TSHR: variants seen among roughly 807,000 people sequenced by gnomAD.
TSHR encodes thyrotropin receptor.
TSHR carries 51 observed loss-of-function variants against 64.1 expected under a neutral mutation model. That is an observed-to-expected ratio of 0.80 (90% CI 0.64 to 1.01). TSHR has a LOEUF of 1.01. Among genes scored for constraint, TSHR ranks in the 50% least tolerant of loss-of-function variants. The pLI is 0.00. For synonymous variants in TSHR, 361 were observed against 361.9 expected (o/e 1.00, Z 0.03); for missense variants, 877 against 942.8 (o/e 0.93, Z 0.91).
chr14:80,956,027 A>C (rs538983320), intron 1 of TSHR, 177 bp downstream of exon 1: 23 of 735,228 alleles, frequency 3.1e-5, no homozygotes, highest in Non-Finnish European at 5.3e-5. Flanking sequence ...AATCGCCCAC[A>C]CTTGGGAAGG....
At chr14:81,115,451 G>A (rs1388681294) in intron 8 of TSHR, among the ~76,000 whole-genome samples, 1 of 143,980 alleles carries the variant, frequency 6.9e-6, no homozygotes, top group Non-Finnish European at 1.5e-5. Flanking sequence ...TGAAATGAAT[G>A]AAATGAAGCG....
At position 80,986,603 on chromosome 14, in the gene TSHR, C is replaced by T. The variant is rs575417095; in HGVS notation, c.170+30753C>T. Reference sequence around the variant, plus strand: ...CTGGGTCCAGGCGATTCTCCTGTCTCAGCCTTCCAAGTAGCTGAGATTACA... The same window carrying T: ...CTGGGTCCAGGCGATTCTCCTGTCTTAGCCTTCCAAGTAGCTGAGATTACA... On this transcript the variant is annotated intron_variant, in intron 1 of 9. Coordinates refer to ENST00000298171, the MANE Select transcript of TSHR (RefSeq NM_000369.5). Among the ~76,000 whole-genome samples the T allele has an allele frequency of 9.2e-4, 140 of 152,032 alleles. 1 individual carries two copies. The highest frequency in any genetic ancestry group is 1.8e-3 in the Non-Finnish European group (120 of 68,028).
chr14:80,990,447 A>G (rs1888669206), intron 1 of TSHR, among the ~76,000 whole-genome samples: 1 of 152,210 alleles, frequency 6.6e-6, no homozygotes, highest in South Asian at 2.1e-4. Context: ...GCTCTTTGGA[A>G]AGCCAGATTC....
chr14:81,088,445 AC>A (rs998322759), intron 4 of TSHR, among the ~76,000 whole-genome samples: 7 of 152,048 alleles, frequency 4.6e-5, no homozygotes, highest in African/African-American at 1.7e-4. Context: ...TGGAGGGAAA[AC>A]AGAAGGGACA....
chr14:81,014,264 A>G (rs1311954696), intron 1 of TSHR: 2 of 152,138 alleles, frequency 1.3e-5, no homozygotes, highest in Non-Finnish European at 2.9e-5. Flanking sequence ...CCCCTCAGAA[A>G]CGAGAAACCA....
At chr14:81,080,147 T>C (rs1272209074) in intron 3 of TSHR, among the ~76,000 whole-genome samples, 2 of 151,706 alleles carry the variant, frequency 1.3e-5, no homozygotes, top group Admixed American at 1.3e-4. Context: ...AGAGAAGGGG[T>C]TTCACCATGT....
chr14:81,142,987 G>T lies in TSHR; in HGVS notation c.929G>T (p.Arg310Leu), dbSNP rs139286618. 4 of 1,614,112 alleles carry T rather than the reference G, an allele frequency of 2.5e-6. No homozygotes were observed. In the African/African-American group the frequency reaches 5.3e-5, roughly 22 times the overall value. The change falls in exon 10 of 10, where the codon CGC becomes CTC. Residue 310 changes from arginine (R) to leucine (L), a missense_variant. Physicochemically the swap from Arg to Leu is moderately radical, Grantham distance 102. Coordinates refer to ENST00000298171, the MANE Select transcript of TSHR (RefSeq NM_000369.5). ...MCNESSMQSL[R>L]QRKSVNALNS... is the part of the protein sequence containing the mutation. ...AATGAGAGCAGTATGCAGAGCTTGC[G>T]CCAGAGAAAATCTGTGAATGCCTTG... is the stretch of plus-strand genomic sequence containing the variant.
chr14:81,121,670 G>A (rs566196207), intron 8 of TSHR, among the ~76,000 whole-genome samples: 3 of 152,212 alleles, frequency 2.0e-5, no homozygotes, highest in Non-Finnish European at 2.9e-5. Flanking sequence ...GGCTGGGCAC[G>A]GTGTATCATG....
At chr14:81,134,601 C>G (rs1891380781) in intron 8 of TSHR, among the ~76,000 whole-genome samples, 1 of 151,964 alleles carries the variant, frequency 6.6e-6, no homozygotes, top group African/African-American at 2.4e-5. Context: ...TCTCATGAAG[C>G]TAAAATTAAA....
intron 1 of TSHR, among the ~76,000 whole-genome samples, chr14:81,022,649 C>T (rs1883830611): frequency 6.6e-6 from 1 of 151,756 alleles, no homozygotes; most frequent in Non-Finnish European, 1.5e-5. Flanking sequence ...GGTGAAACCC[C>T]ATCTCTACTA....
At chr14:80,995,527 G>A (rs995677564) in intron 1 of TSHR, 2 of 152,168 alleles carry the variant, frequency 1.3e-5, no homozygotes, top group Non-Finnish European at 2.9e-5. Flanking sequence ...GTTCTTTGCA[G>A]GGACATGGAT....
chr14:81,027,082 C>T (rs960789359), intron 1 of TSHR, among the ~76,000 whole-genome samples: 1 of 150,474 alleles, frequency 6.6e-6, no homozygotes, highest in African/African-American at 2.4e-5. Flanking sequence ...AGCAATGTTG[C>T]CCATGTTGAA....
intron 5 of TSHR, 118 bp downstream of exon 5, chr14:81,091,261 T>A: frequency 2.2e-6 from 2 of 898,044 alleles, no homozygotes; most frequent in East Asian, 4.9e-5. Flanking sequence ...GAGTAAGCAA[T>A]GATCAGGTGT....
intron 8 of TSHR, among the ~76,000 whole-genome samples, chr14:81,139,398 G>A (rs1301097287): frequency 6.6e-6 from 1 of 152,150 alleles, no homozygotes; most frequent in Non-Finnish European, 1.5e-5. Flanking sequence ...ATCTCTCTCT[G>A]ATTCCAAGAG....
chr14:81,037,448 A>AAAAAAAAAAAAAAAAAAAAC (rs1273226258), intron 1 of TSHR, among the ~76,000 whole-genome samples: 5 of 128,544 alleles, frequency 3.9e-5, no homozygotes, highest in Non-Finnish European at 7.4e-5. Flanking sequence ...AACAAACAAA[A>AAAAAAAAAAAAAAAAAAAAC]AACAGAAAAT....
rs1025581275 is a variant in TSHR, at chr14:81,103,028, A to G, written c.615-5347A>G. On this transcript the variant is annotated intron_variant, in intron 7 of 9. Transcript: ENST00000298171. This position sits in a 1 kb window ranked among gnomAD's most constrained non-coding sequence, Gnocchi z 4.1. ...AGTTTCTGACTCCTAGTCAATAGAA[A>G]TTTATTCTTTCCTAGATTTAAGCAC... is the stretch of plus-strand genomic sequence containing the variant. 1 of 985,432 alleles carries G rather than the reference A, an allele frequency of 1.0e-6. No individual in the cohort carries two copies. The highest frequency in any genetic ancestry group is 1.2e-6 in the Non-Finnish European group (1 of 829,932). 61.0% of individuals were successfully genotyped at this position (985,432 alleles called of 1,614,324 possible).
intron 1 of TSHR, among the ~76,000 whole-genome samples, chr14:80,972,006 A>T (rs905696834): frequency 1.3e-5 from 2 of 152,214 alleles, no homozygotes; most frequent in African/African-American, 4.8e-5. Flanking sequence ...TAGTAACTTG[A>T]TGTGGTTACT....
At chr14:80,995,196 G>C (rs551057829) in intron 1 of TSHR, 6 of 150,522 alleles carry the variant, frequency 4.0e-5, no homozygotes, top group Non-Finnish European at 8.8e-5. Flanking sequence ...AGTCAGAATG[G>C]CTATTAAAAG....
chr14:81,028,063 A>G (rs1369843181), intron 1 of TSHR, among the ~76,000 whole-genome samples: 1 of 152,180 alleles, frequency 6.6e-6, no homozygotes, highest in Non-Finnish European at 1.5e-5. Context: ...CATAGTGAGA[A>G]ATTAATAGGT....
Sources: allele counts gnomAD v4.1 joint callset (sites outside exome capture counted in the v4.1 genomes callset), GRCh38; gene constraint gnomAD v4.1.1; non-coding constraint Gnocchi (gnomAD v3.1); transcripts MANE v1.5; gene names NCBI Gene and HGNC (gene_info 2026-07-23, HGNC 2026-07-21).